The following SBNO2 variants were observed in gnomAD, a reference collection of about 807,000 sequenced individuals.
The protein encoded by SBNO2 is protein strawberry notch homolog 2.
In SBNO2, 89 loss-of-function variants were observed where a neutral mutation model predicts 146.3. The ratio of observed to expected loss-of-function variants is 0.61; its 90% CI spans 0.51 to 0.73. SBNO2 has a LOEUF of 0.73. Among genes scored for constraint, SBNO2 ranks in the 30% least tolerant of loss-of-function variants. The pLI is 0.00. For missense variants in SBNO2, 2,092 were observed against 2,003.7 expected (o/e 1.04, Z -0.84); for synonymous variants, 1,147 against 892.6 (o/e 1.29, Z -5.08).
chr19:1,162,409 G>A (rs370027978), intron 1 of SBNO2, among the ~76,000 whole-genome samples: 5 of 149,830 alleles, frequency 3.3e-5, no homozygotes, highest in East Asian at 2.0e-4. Context: ...GCAGTGAGCC[G>A]AGATCGGGCC....
In SBNO2 at chr19:1,122,898, C is replaced by A; in HGVS notation, c.776G>T (p.Cys259Phe). The change falls in exon 8 of 32, where the codon TGC (cysteine) becomes TTC (phenylalanine). Residue 259 changes from cysteine (C) to phenylalanine (F), a missense_variant. Cys to Phe is a radical substitution (Grantham distance 205, BLOSUM62 -2). Transcript: ENST00000361757. ...GGGTTGGGGACATGCGGTCACCTGG[C>A]AGGCGTAGGTGATGGCCTCTAGCTG... ...ALQLEAITYA[C>F]QQHEVLLPSG... The A allele has an allele frequency of 1.3e-6, 2 of 1,546,028 alleles. No homozygotes were observed. Among genetic ancestry groups the A allele is most frequent in the Non-Finnish European group, 8.7e-7 (1 of 1,145,530 alleles).
chr19:1,126,139 G>C lies in SBNO2; in HGVS notation c.441+1465C>G, dbSNP rs896896637. Among the ~76,000 whole-genome samples the C allele has an allele frequency of 1.3e-5, 2 of 152,232 alleles. No individual in the cohort carries two copies. Among genetic ancestry groups the C allele is most frequent in the Non-Finnish European group, 2.9e-5 (2 of 68,040 alleles). ...TCTCGGCAGTGTGTGGGAGCCACCA[G>C]GCTAGTGATGCTAATGAACTGAGTC... On this transcript the variant is annotated intron_variant, in intron 5 of 31. Transcript: ENST00000361757. This position sits in a 1 kb window ranked among gnomAD's most constrained non-coding sequence, Gnocchi z 4.4.
At position 1,158,388 on chromosome 19, in the gene SBNO2, G is replaced by A. The variant is rs559000476; in HGVS notation, c.-126-3986C>T. Reference sequence around the variant, plus strand: ...AGGCCCCTAGGTGGAGCCTTGACGTGACCCCCAGAGCCAGACTCAGCAGCT... The same window carrying A: ...AGGCCCCTAGGTGGAGCCTTGACGTAACCCCCAGAGCCAGACTCAGCAGCT... On this transcript the variant is annotated intron_variant, in intron 1 of 31. Transcript: ENST00000361757. This position sits in a 1 kb window ranked among gnomAD's most constrained non-coding sequence, Gnocchi z 9.9. 3.5e-4 allele frequency among the ~76,000 whole-genome samples: 53 copies of A among 152,266 alleles called. No homozygotes were observed. Among genetic ancestry groups the A allele is most frequent in the African/African-American group, 1.2e-3 (51 of 41,538 alleles).
At chr19:1,113,497 C>G in intron 19 of SBNO2, 38 bp downstream of exon 19, 1 of 1,540,242 alleles carries the variant, frequency 6.5e-7, no homozygotes, top group Middle Eastern at 2.2e-4. Flanking sequence ...ACTGCCCATG[C>G]CCCGCCCACC....
rs1410601119 is a variant in SBNO2 at position 1,122,888 on chromosome 19, G to A, written c.780+6C>T. 5 of 1,543,262 alleles carry A rather than the reference G, an allele frequency of 3.2e-6. No individual in the cohort carries two copies. The highest frequency in any genetic ancestry group is 3.9e-5 in the Admixed American group (2 of 51,020). On this transcript the variant is annotated splice_donor_region_variant and intron_variant, in intron 8 of 31. Transcript: ENST00000361757. ...AGGCTGGGCTGGGTTGGGGACATGCGGTCACCTGGCAGGCGTAGGTGATGG... is the reference window on the plus strand; with the variant it reads ...AGGCTGGGCTGGGTTGGGGACATGCAGTCACCTGGCAGGCGTAGGTGATGG...
chr19:1,123,354 C>T (rs563756483), intron 7 of SBNO2, among the ~76,000 whole-genome samples, 180 bp downstream of exon 7: 78 of 152,244 alleles, frequency 5.1e-4, no homozygotes, highest in Middle Eastern at 3.4e-3. Context: ...CCACTTCTCC[C>T]CTCTGCGAAC....
In SBNO2 at chr19:1,150,437, C is replaced by T. The variant is rs2080231668; in HGVS notation, c.94-995G>A. On this transcript the variant is annotated intron_variant, in intron 2 of 31. Coordinates refer to ENST00000361757, the MANE Select transcript of SBNO2 (RefSeq NM_014963.3). The surrounding 1 kb of genome is among the most constrained non-coding windows in gnomAD (Gnocchi z 6.2). ...ACCTGCAGCAGAGAGACCCTGCCGT[C>T]ACAGACGCCCCCACAGTCACGGGGG... Among the ~76,000 whole-genome samples the T allele has an allele frequency of 6.6e-6, 1 of 152,032 alleles. No homozygotes were observed. Among genetic ancestry groups the T allele is most frequent in the African/African-American group, 2.4e-5 (1 of 41,380 alleles).
In SBNO2 at chr19:1,127,623, G is replaced by A; in HGVS notation, c.422C>T (p.Ala141Val). Residue 141 changes from alanine (A) to valine (V), a missense_variant, in exon 5 of 32, where the codon GCC (alanine) becomes GTC (valine). Transcript: ENST00000361757. ...QVSTIWDDNP[A>V]PSTHDKLFQL... ...ACTGACCTTATCGTGGGTGGAGGGG[G>A]CAGGGTTATCGTCCCAGATGGTGGA... 1 of 1,613,080 alleles carries A rather than the reference G, an allele frequency of 6.2e-7. No individual in the cohort carries two copies. Among genetic ancestry groups the A allele is most frequent in the Non-Finnish European group, 8.5e-7 (1 of 1,179,860 alleles).
Position 1,123,167 on chromosome 19 carries a change from G to A in SBNO2, c.629-122C>T, listed in dbSNP as rs2079924590. On this transcript the variant is annotated intron_variant, in intron 7 of 31. Coordinates refer to ENST00000361757, the MANE Select transcript of SBNO2 (RefSeq NM_014963.3). Reference sequence around the variant, plus strand: ...GCTGGCGGGGCAGTTTGGGGGCGTGGCCAGGTCCCGTTGGGCGGGTCATGG... The same window carrying A: ...GCTGGCGGGGCAGTTTGGGGGCGTGACCAGGTCCCGTTGGGCGGGTCATGG... 12 of 1,151,256 alleles carry A rather than the reference G, an allele frequency of 1.0e-5. No homozygotes were observed. In the Admixed American group the frequency reaches 1.5e-4, roughly 14 times the overall value. The allele number at this position is 1,151,256 out of a possible 1,614,324, so 71.3% of individuals were successfully genotyped here. A position where few individuals can be genotyped will look rare whatever the true frequency, so the allele number is the denominator to read the frequency against.
rs745553657 is a variant in SBNO2, at chr19:1,123,553, G to T, written c.609C>A (p.Ala203=). The change falls in exon 7 of 32, where the codon GCC becomes GCA. Residue 203 remains alanine (A), a synonymous_variant. Transcript: ENST00000361757. ...ACTCACACTTGGACGGCACGTAGTC[G>T]GCGTAGGTCTCTGTGTGCCCCAGCT... ...AEELGHTETY[A]DYVPSKSKIG... 3 of 1,613,446 alleles carry T rather than the reference G, an allele frequency of 1.9e-6. No individual in the cohort carries two copies. Among genetic ancestry groups the T allele is most frequent in the Non-Finnish European group, 2.5e-6 (3 of 1,179,750 alleles).
Position 1,119,228 on chromosome 19 carries a change from G to A in SBNO2, c.1374-64C>T, listed in dbSNP as rs2079869600. ...CCGTGGGGATGGAGCCACTCGGAGCGCGAGGCAGAGCCAGTCGCAGAGAGG... is the reference window on the plus strand; with the variant it reads ...CCGTGGGGATGGAGCCACTCGGAGCACGAGGCAGAGCCAGTCGCAGAGAGG... On this transcript the variant is annotated intron_variant, in intron 13 of 31. Coordinates refer to ENST00000361757, the MANE Select transcript of SBNO2 (RefSeq NM_014963.3). 7.2e-6 allele frequency: 11 copies of A among 1,524,162 alleles called. No individual in the cohort carries two copies. The South Asian group carries it at 8.3e-5, about 12-fold the overall frequency. 94.4% of individuals were successfully genotyped at this position (1,524,162 alleles called of 1,614,324 possible).
At position 1,136,454 on chromosome 19, in the gene SBNO2, T is replaced by C. The variant is rs1010114370; in HGVS notation, c.280-8689A>G. Reference sequence around the variant, plus strand: ...CACAGCTTCCTGCTGAGTCTCCCTCTCTAAGGCTGTCTGTGGGCGGCTCTG... The same window carrying C: ...CACAGCTTCCTGCTGAGTCTCCCTCCCTAAGGCTGTCTGTGGGCGGCTCTG... On this transcript the variant is annotated intron_variant, in intron 4 of 31. Coordinates refer to ENST00000361757, the MANE Select transcript of SBNO2 (RefSeq NM_014963.3). This position sits in a 1 kb window ranked among gnomAD's most constrained non-coding sequence, Gnocchi z 4.2. Among the ~76,000 whole-genome samples, 3 of 152,172 alleles carry C rather than the reference T, an allele frequency of 2.0e-5. No individual in the cohort carries two copies. The highest frequency in any genetic ancestry group is 1.3e-4 in the Admixed American group (2 of 15,286).
intron 1 of SBNO2, among the ~76,000 whole-genome samples, chr19:1,163,824 G>A (rs969253307): frequency 3.9e-5 from 6 of 152,284 alleles, no homozygotes; most frequent in South Asian, 2.1e-4. Flanking sequence ...GGCAGGAGCC[G>A]GGGTCCAGGG....
At chr19:1,163,050 G>C (rs2080364806) in intron 1 of SBNO2, among the ~76,000 whole-genome samples, 2 of 152,222 alleles carry the variant, frequency 1.3e-5, no homozygotes, top group Admixed American at 1.3e-4. Context: ...GTGACGATTT[G>C]GAGGCTGGTC....
At chr19:1,132,338 G>GCCGGCC (rs2145256287) in intron 4 of SBNO2, 1 of 1,263,846 alleles carries the variant, frequency 7.9e-7, no homozygotes, top group East Asian at 3.2e-5. Flanking sequence ...AGGAAATGAT[G>GCCGGCC]CCGGCCCCGT....
rs201765406 is a variant in SBNO2 at position 1,123,652 on chromosome 19, C to T, written c.523-13G>A. ...GCACACTCTGCTCCTGCGTGCGTGG[C>T]GGGAGCTCAGCGGAGACTGCAGGCC... On this transcript the variant is annotated splice_polypyrimidine_tract_variant and intron_variant, in intron 6 of 31. Transcript: ENST00000361757. 1.2e-5 allele frequency: 20 copies of T among 1,605,876 alleles called. No individual in the cohort carries two copies. The highest frequency in any genetic ancestry group is 1.7e-5 in the Admixed American group (1 of 59,238).
At chr19:1,127,962 C>T (rs1000339305) in intron 4 of SBNO2, among the ~76,000 whole-genome samples, 197 bp from the exon 5 acceptor site, 14 of 152,108 alleles carry the variant, frequency 9.2e-5, no homozygotes, top group East Asian at 3.9e-4. Flanking sequence ...TACAGGTGTG[C>T]GCCACCATGC....
chr19:1,122,328 G>C (rs1410266085), intron 10 of SBNO2, 46 bp from the exon 11 acceptor site: 7 of 1,525,428 alleles, frequency 4.6e-6, no homozygotes, highest in South Asian at 2.6e-5. Flanking sequence ...CGGCTCAGCA[G>C]GCTCTGGACC....
intron 1 of SBNO2, 55 bp downstream of exon 1, chr19:1,174,117 G>T (rs977395881): frequency 6.6e-6 from 1 of 151,074 alleles, no homozygotes; most frequent in Non-Finnish European, 1.5e-5. Flanking sequence ...AAGCGGGGTC[G>T]GGCCAGGCAG....
Sources: allele counts gnomAD v4.1 joint callset (sites outside exome capture counted in the v4.1 genomes callset), GRCh38; gene constraint gnomAD v4.1.1; non-coding constraint Gnocchi (gnomAD v3.1); transcripts MANE v1.5; gene names NCBI Gene and HGNC (gene_info 2026-07-23, HGNC 2026-07-21).